P4HA1: variants seen among roughly 807,000 people sequenced by gnomAD.
The protein encoded by P4HA1 is prolyl 4-hydroxylase subunit alpha 1, also known as prolyl 4-hydroxylase subunit alpha-1.
In P4HA1, 24 loss-of-function variants were observed where a neutral mutation model predicts 72.8. That is an observed-to-expected ratio of 0.33 (90% CI 0.24 to 0.46). P4HA1 has a LOEUF of 0.46. Ranked by LOEUF, P4HA1 falls within the 20% of genes least tolerant of loss-of-function variation. The pLI, the probability that P4HA1 is intolerant of heterozygous loss-of-function variation, is 1.00. For synonymous variants in P4HA1, 201 were observed against 218.8 expected (o/e 0.92, Z 0.72); for missense variants, 446 against 640.6 (o/e 0.70, Z 3.28).
intron 7 of P4HA1, among the ~76,000 whole-genome samples, chr10:73,048,324 C>T (rs575849817): frequency 3.3e-4 from 50 of 152,248 alleles, no homozygotes; most frequent in African/African-American, 9.6e-4. Context: ...ACTGCAATGC[C>T]TTGATCTCGG....
chr10:73,041,254 A>G (rs1385485052), intron 9 of P4HA1, among the ~76,000 whole-genome samples: 1 of 152,140 alleles, frequency 6.6e-6, no homozygotes, highest in Non-Finnish European at 1.5e-5. Context: ...AGGCTATAAA[A>G]GAATTGTCTA....
intron 6 of P4HA1, among the ~76,000 whole-genome samples, chr10:73,052,763 A>G (rs1426681880): frequency 1.3e-5 from 2 of 152,190 alleles, no homozygotes; most frequent in African/African-American, 4.8e-5. Flanking sequence ...ACTTATTATC[A>G]TACAAATTCT....
intron 10 of P4HA1, among the ~76,000 whole-genome samples, chr10:73,029,396 C>G (rs888691104): frequency 7.0e-6 from 1 of 142,654 alleles, no homozygotes. Context: ...GGCCACAGAG[C>G]CAGACTCAGA....
intron 1 of P4HA1, among the ~76,000 whole-genome samples, chr10:73,093,805 T>C (rs1842086758): frequency 8.5e-6 from 1 of 117,582 alleles, no homozygotes; most frequent in African/African-American, 3.2e-5. Flanking sequence ...ATTGCACCAC[T>C]GCACTCCAGC....
intron 10 of P4HA1, among the ~76,000 whole-genome samples, chr10:73,022,377 C>T (rs1840156682): frequency 6.6e-6 from 1 of 152,180 alleles, no homozygotes; most frequent in Non-Finnish European, 1.5e-5. Context: ...GGACCTCCAG[C>T]AAACTCCAAC....
intron 5 of P4HA1, among the ~76,000 whole-genome samples, chr10:73,055,903 T>C (rs1841136262): frequency 6.6e-6 from 1 of 152,222 alleles, no homozygotes; most frequent in Non-Finnish European, 1.5e-5. Context: ...GGTTAACTAA[T>C]ATGTCCAAGG....
intron 9 of P4HA1, among the ~76,000 whole-genome samples, chr10:73,042,348 C>T (rs1346467758): frequency 1.3e-5 from 2 of 152,148 alleles, no homozygotes; most frequent in African/African-American, 2.4e-5. Context: ...ACATTCGGTC[C>T]AGCCTAATCT....
Position 73,008,233 on chromosome 10 carries a change from C to A in P4HA1, c.1594G>T (p.Glu532Ter). Reference protein sequence around the residue: ...QEFRRPCTLSELE With the variant: ...QEFRRPCTLS ...GGGAAGCCTGTTTGTCATTCCAATT[C>A]TGACAACGTACAAGGTCTTCGAAAT... Residue 532 changes from glutamate (E) to a stop codon, truncating the protein, a stop_gained, in exon 15 of 15, where the codon GAA becomes TAA. Coordinates refer to ENST00000394890, the MANE Select transcript of P4HA1 (RefSeq NM_001017962.3). LOFTEE classifies it high-confidence loss of function. The A allele has an allele frequency of 6.2e-7, 1 of 1,603,582 alleles. No individual in the cohort carries two copies. Among genetic ancestry groups the A allele is most frequent in the Non-Finnish European group, 8.5e-7 (1 of 1,170,800 alleles).
chr10:73,037,569 A>T (rs1396439524), intron 9 of P4HA1, among the ~76,000 whole-genome samples: 2,805 of 26,730 alleles, frequency 0.1, 184 homozygotes, highest in South Asian at 0.23. Flanking sequence ...ATATATATAT[A>T]TATTTTTTTT....
At chr10:73,091,167 C>CAAA (rs1461916288) in intron 1 of P4HA1, among the ~76,000 whole-genome samples, 1 of 143,144 alleles carries the variant, frequency 7.0e-6, no homozygotes, top group African/African-American at 2.7e-5. Flanking sequence ...CTGAGTTTAC[C>CAAA]AAAAAAATAA....
intron 1 of P4HA1, among the ~76,000 whole-genome samples, chr10:73,090,041 G>A (rs1051662069): frequency 1.3e-5 from 2 of 152,090 alleles, no homozygotes; most frequent in Admixed American, 6.6e-5. Context: ...ACCATGTTGC[G>A]CAGGCTGGTC....
chr10:73,063,108 G>C (rs1841347305), intron 5 of P4HA1, among the ~76,000 whole-genome samples: 1 of 152,114 alleles, frequency 6.6e-6, no homozygotes, highest in East Asian at 1.9e-4. Flanking sequence ...TCTAGGAAAG[G>C]ATACTATCTT....
rs34162681 is a variant in P4HA1, at chr10:73,008,240, C to T, written c.1587G>A (p.Thr529=). 4.2e-5 allele frequency: 67 copies of T among 1,606,230 alleles called. No individual in the cohort carries two copies. Among genetic ancestry groups the T allele is most frequent in the East Asian group, 3.6e-4 (16 of 44,814 alleles). ...CTGTTTGTCATTCCAATTCTGACAACGTACAAGGTCTTCGAAATTCTTGTC... is the reference window on the plus strand; with the variant it reads ...CTGTTTGTCATTCCAATTCTGACAATGTACAAGGTCTTCGAAATTCTTGTC... ...ERGQEFRRPC[T]LSELE The change falls in exon 15 of 15, where the codon ACG becomes ACA. Residue 529 remains threonine (T), a synonymous_variant. Coordinates refer to ENST00000394890, the MANE Select transcript of P4HA1 (RefSeq NM_001017962.3).
intron 5 of P4HA1, among the ~76,000 whole-genome samples, chr10:73,060,712 C>G (rs1841293202): frequency 1.3e-5 from 2 of 152,100 alleles, no homozygotes; most frequent in African/African-American, 4.8e-5. Flanking sequence ...AATAATAACA[C>G]AGTCAATTCA....
intron 5 of P4HA1, among the ~76,000 whole-genome samples, chr10:73,054,632 G>A (rs1394085959): frequency 6.6e-6 from 1 of 152,172 alleles, no homozygotes. Context: ...GGAACTGACT[G>A]GTCCTATAGC....
intron 9 of P4HA1, among the ~76,000 whole-genome samples, chr10:73,037,571 ATTTTT>A (rs71021545): frequency 2.7e-3 from 84 of 30,608 alleles, no homozygotes; most frequent in African/African-American, 7.1e-3. Flanking sequence ...ATATATATAT[ATTTTT>A]TTTTTTTTTT....
chr10:73,009,597 G>A, intron 14 of P4HA1: 1 of 473,590 alleles, frequency 2.1e-6, no homozygotes, highest in South Asian at 3.0e-5. Flanking sequence ...TTGTTTCTTG[G>A]AATAAGTAAA....
At chr10:73,076,665 G>A in intron 1 of P4HA1, among the ~76,000 whole-genome samples, 1 of 152,102 alleles carries the variant, frequency 6.6e-6, no homozygotes, top group East Asian at 1.9e-4. Context: ...CACTTTCCCA[G>A]ATGCCCTGCT....
At chr10:73,064,615 CG>C (rs1564632764) in intron 5 of P4HA1, among the ~76,000 whole-genome samples, 3 of 152,028 alleles carry the variant, frequency 2.0e-5, no homozygotes, top group African/African-American at 2.4e-5. Flanking sequence ...CTGAGGTGGA[CG>C]GAACACTTGA....
Sources: gnomAD v4.1 joint callset for allele counts (sites outside exome capture counted in the v4.1 genomes callset) on GRCh38, gnomAD v4.1.1 for gene constraint, MANE v1.5 for transcripts, NCBI Gene and HGNC (gene_info 2026-07-23, HGNC 2026-07-21) for gene names.